RFTN1: variants seen among roughly 807,000 people sequenced by gnomAD.
RFTN1 encodes the protein raftlin, lipid raft linker 1, also known as raftlin.
RFTN1 carries 26 observed loss-of-function variants against 46.5 expected under a neutral mutation model. The observed-to-expected ratio is 0.56, with a 90% CI of 0.41 to 0.78. The LOEUF (loss-of-function observed/expected upper bound fraction) is 0.78. Ranked by LOEUF, RFTN1 falls within the 30% of genes least tolerant of loss-of-function variation. The probability of loss-of-function intolerance (pLI) is 0.00; values close to 1 mark genes in which losing one functional copy is unlikely to be tolerated. For missense variants in RFTN1, 693 were observed against 718.7 expected (o/e 0.96, Z 0.41); for synonymous variants, 261 against 284.2 (o/e 0.92, Z 0.82).
rs1405080714 is a variant in RFTN1, at chr3:16,383,970, T to A, written c.442-5868A>T. Among the ~76,000 whole-genome samples, 1 of 152,252 alleles carries A rather than the reference T, an allele frequency of 6.6e-6. No individual in the cohort carries two copies. Among genetic ancestry groups the A allele is most frequent in the Non-Finnish European group, 1.5e-5 (1 of 68,048 alleles). On this transcript the variant is annotated intron_variant, in intron 4 of 9. Coordinates refer to ENST00000334133, the MANE Select transcript of RFTN1 (RefSeq NM_015150.2). The surrounding 1 kb of genome is among the most constrained non-coding windows in gnomAD (Gnocchi z 4.0). ...TTGTTTGGTAAAACTCTAGTCTAGA[T>A]GTTGCTGTAAAGGTATTTTTTAAAT...
Position 16,442,203 on chromosome 3 carries a change from T to TA in RFTN1, c.146-8167dup. ...GACCACACCATTAAAACACTATTTT[T>TA]AAAATTTGAAGTGAAATTTCCATAA... On this transcript the variant is annotated intron_variant, in intron 2 of 9. Coordinates refer to ENST00000334133, the MANE Select transcript of RFTN1 (RefSeq NM_015150.2). This position sits in a 1 kb window ranked among gnomAD's most constrained non-coding sequence, Gnocchi z 4.1. 6.6e-6 allele frequency among the ~76,000 whole-genome samples: 1 copy of TA among 152,316 alleles called. No individual in the cohort carries two copies. Among genetic ancestry groups the TA allele is most frequent in the East Asian group, 1.9e-4 (1 of 5,192 alleles).
rs1384577058 is a variant in RFTN1 at position 16,448,685 on chromosome 3, C to T, written c.146-14648G>A. Among the ~76,000 whole-genome samples, 1 of 152,178 alleles carries T rather than the reference C, an allele frequency of 6.6e-6. No homozygotes were observed. Among genetic ancestry groups the T allele is most frequent in the Non-Finnish European group, 1.5e-5 (1 of 68,038 alleles). On this transcript the variant is annotated intron_variant, in intron 2 of 9. Transcript: ENST00000334133. This position sits in a 1 kb window ranked among gnomAD's most constrained non-coding sequence, Gnocchi z 4.1. ...TGCTCTTCAAGAATCTCTAGTAACA[C>T]AATCACACTGCTTCTAAAATGTTTA...
chr3:16,354,157 A>G (rs926777006), intron 7 of RFTN1, among the ~76,000 whole-genome samples: 1 of 152,230 alleles, frequency 6.6e-6, no homozygotes, highest in Non-Finnish European at 1.5e-5. Flanking sequence ...CAAGAAACTC[A>G]CAACGGAGGG....
intron 2 of RFTN1, among the ~76,000 whole-genome samples, chr3:16,487,815 G>A (rs901530060): frequency 3.3e-5 from 5 of 152,168 alleles, no homozygotes; most frequent in African/African-American, 7.2e-5. Flanking sequence ...AAGGCATAAC[G>A]GGGTACCGTT....
At chr3:16,463,832 A>G (rs758230575) in intron 2 of RFTN1, among the ~76,000 whole-genome samples, 1 of 152,162 alleles carries the variant, frequency 6.6e-6, no homozygotes, top group East Asian at 1.9e-4. Context: ...TTCTTCTGTC[A>G]GGAAAATAGA....
Position 16,377,936 on chromosome 3 carries a change from T to C in RFTN1, c.608A>G (p.Glu203Gly). 1 of 1,614,262 alleles carries C rather than the reference T, an allele frequency of 6.2e-7. No individual in the cohort carries two copies. Among genetic ancestry groups the C allele is most frequent in the Non-Finnish European group, 8.5e-7 (1 of 1,180,050 alleles). Residue 203 changes from glutamate to glycine, a missense_variant, in exon 5 of 10, where the codon GAG becomes GGG. Glu to Gly is a moderately conservative substitution (Grantham distance 98, BLOSUM62 -2). Transcript: ENST00000334133. ...GCACACATCCCCAGTCCCCGGTTTC[T>C]CATTCTCCAGTGACGCGTGATCCCC... ...ARGDHASLEN[E>G]KPGTGDVCSA...
chr3:16,458,129 G>C lies in RFTN1; in HGVS notation c.146-24092C>G, dbSNP rs755355440. Among the ~76,000 whole-genome samples, 3 of 152,174 alleles carry C rather than the reference G, an allele frequency of 2.0e-5. No homozygotes were observed. The highest frequency in any genetic ancestry group is 4.4e-5 in the Non-Finnish European group (3 of 68,034). On this transcript the variant is annotated intron_variant, in intron 2 of 9. Coordinates refer to ENST00000334133, the MANE Select transcript of RFTN1 (RefSeq NM_015150.2). The surrounding 1 kb of genome is among the most constrained non-coding windows in gnomAD (Gnocchi z 5.1). ...ATCTTTGTTCTTTATAAACTACCCA[G>C]TCTTGGGTATTTCGTTTCAACAACA... is the stretch of plus-strand genomic sequence containing the variant.
rs1387018048 is a variant in RFTN1, at chr3:16,352,647, C to G, written c.1146+5285G>C. Among the ~76,000 whole-genome samples the G allele has an allele frequency of 1.3e-5, 2 of 152,210 alleles. No homozygotes were observed. The highest frequency in any genetic ancestry group is 2.9e-5 in the Non-Finnish European group (2 of 68,040). ...AAAACGAAGGCAATGGGGGGAGGAT[C>G]TGTCTCACTGATGATACCAGGTGAC... On this transcript the variant is annotated intron_variant, in intron 7 of 9. Transcript: ENST00000334133. This position sits in a 1 kb window ranked among gnomAD's most constrained non-coding sequence, Gnocchi z 4.6.
intron 1 of RFTN1, among the ~76,000 whole-genome samples, chr3:16,511,161 T>TG (rs771825358): frequency 3.6e-4 from 55 of 152,174 alleles, no homozygotes; most frequent in Non-Finnish European, 6.8e-4. Flanking sequence ...AGGCACCTGC[T>TG]GGGGTGACAG....
chr3:16,414,865 C>T (rs944195265), intron 3 of RFTN1, among the ~76,000 whole-genome samples: 1 of 152,072 alleles, frequency 6.6e-6, no homozygotes, highest in Admixed American at 6.5e-5. Flanking sequence ...GGCCGGGGCT[C>T]AGTGCAGAGG....
intron 1 of RFTN1, among the ~76,000 whole-genome samples, chr3:16,494,732 G>A (rs9823463): frequency 0.015 from 2,299 of 152,280 alleles, 59 homozygotes; most frequent in African/African-American, 0.053. Flanking sequence ...TGACTTTCAC[G>A]AAATAGCTTT....
In RFTN1 at chr3:16,506,476, G is replaced by A. The variant is rs2076808582; in HGVS notation, c.-9+6966C>T. ...CAGCAGGGAACCCAGATGACAGTAA[G>A]TAGAGGTGTGAGCAGTGGTCAAATT... On this transcript the variant is annotated intron_variant, in intron 1 of 9. Transcript: ENST00000334133. This position sits in a 1 kb window ranked among gnomAD's most constrained non-coding sequence, Gnocchi z 4.8. Among the ~76,000 whole-genome samples, 1 of 152,172 alleles carries A rather than the reference G, an allele frequency of 6.6e-6. No individual in the cohort carries two copies. The highest frequency in any genetic ancestry group is 2.4e-5 in the African/African-American group (1 of 41,430).
At position 16,513,482 on chromosome 3, in the gene RFTN1, C is replaced by G. The variant is rs1048046035; in HGVS notation, c.-49G>C. 5 of 152,276 alleles carry G rather than the reference C, an allele frequency of 3.3e-5. No individual in the cohort carries two copies. The highest frequency in any genetic ancestry group is 7.3e-5 in the Non-Finnish European group (5 of 68,148). The allele number at this position is 152,276 out of a possible 1,614,324, so 9.4% of individuals were successfully genotyped here. A position where few individuals can be genotyped will look rare whatever the true frequency, so the allele number is the denominator to read the frequency against. On this transcript the variant is annotated 5_prime_UTR_variant, in exon 1 of 10. Transcript: ENST00000334133. The surrounding 1 kb of genome is among the most constrained non-coding windows in gnomAD (Gnocchi z 5.4). The stretch of plus-strand genomic sequence containing the variant: ...GAGGAGAAGGCGCGGTCGCGGGCTC[C>G]CTGAGGCAGCGTGTTCCGTCCCGGG...
At position 16,410,604 on chromosome 3, in the gene RFTN1, A is replaced by G. The variant is rs1444422054; in HGVS notation, c.333-1121T>C. ...TATGGAAATTAAAGATGCATTAAAG[A>G]AAGACTACTGAGCAACTAAAAGAAA... is the stretch of plus-strand genomic sequence containing the variant. On this transcript the variant is annotated intron_variant, in intron 3 of 9. Transcript: ENST00000334133. The surrounding 1 kb of genome is among the most constrained non-coding windows in gnomAD (Gnocchi z 4.6). 6.6e-6 allele frequency among the ~76,000 whole-genome samples: 1 copy of G among 152,250 alleles called. No individual in the cohort carries two copies. Among genetic ancestry groups the G allele is most frequent in the Admixed American group, 6.5e-5 (1 of 15,280 alleles).
In RFTN1 at chr3:16,465,379, A is replaced by G. The variant is rs1237108138; in HGVS notation, c.145+28346T>C. 6.6e-6 allele frequency among the ~76,000 whole-genome samples: 1 copy of G among 151,932 alleles called. No individual in the cohort carries two copies. The highest frequency in any genetic ancestry group is 2.4e-5 in the African/African-American group (1 of 41,332). On this transcript the variant is annotated intron_variant, in intron 2 of 9. Coordinates refer to ENST00000334133, the MANE Select transcript of RFTN1 (RefSeq NM_015150.2). This position sits in a 1 kb window ranked among gnomAD's most constrained non-coding sequence, Gnocchi z 5.1. ...TTCATCAAGGCAATTCTCTGAGCACAGGAAAAAAATATCCCCAACAGAGGT... is the reference window on the plus strand; with the variant it reads ...TTCATCAAGGCAATTCTCTGAGCACGGGAAAAAAATATCCCCAACAGAGGT...
intron 3 of RFTN1, among the ~76,000 whole-genome samples, chr3:16,411,463 A>C (rs1237128792): frequency 6.6e-6 from 1 of 152,172 alleles, no homozygotes; most frequent in Non-Finnish European, 1.5e-5. Context: ...ATACCCTTCC[A>C]AGGGTAGGGT....
chr3:16,375,289 G>A (rs1225889468), intron 5 of RFTN1, among the ~76,000 whole-genome samples: 1 of 152,086 alleles, frequency 6.6e-6, no homozygotes, highest in Admixed American at 6.6e-5. Context: ...GGGGTCAGGT[G>A]AGGGTCACAA....
At chr3:16,472,132 A>C (rs1224399797) in intron 2 of RFTN1, 1 of 152,142 alleles carries the variant, frequency 6.6e-6, no homozygotes, top group African/African-American at 2.4e-5. Context: ...TTAAAAAAAA[A>C]AAAGGCTTGA....
rs2075965876 is a variant in RFTN1 at position 16,459,237 on chromosome 3, G to A, written c.146-25200C>T. ...TGAGCCACTGTGCCTGGCCACTACT[G>A]TGTTTTCTGAAGGAAATTAGTTTTA... is the stretch of plus-strand genomic sequence containing the variant. On this transcript the variant is annotated intron_variant, in intron 2 of 9. Transcript: ENST00000334133. The surrounding 1 kb of genome is among the most constrained non-coding windows in gnomAD (Gnocchi z 4.2). 6.6e-6 allele frequency among the ~76,000 whole-genome samples: 1 copy of A among 152,112 alleles called. No individual in the cohort carries two copies. The highest frequency in any genetic ancestry group is 6.5e-5 in the Admixed American group (1 of 15,276).
Sources: gnomAD v4.1 joint callset for allele counts (sites outside exome capture counted in the v4.1 genomes callset) on GRCh38, gnomAD v4.1.1 for gene constraint, Gnocchi (gnomAD v3.1) non-coding constraint, MANE v1.5 for transcripts, NCBI Gene and HGNC (gene_info 2026-07-23, HGNC 2026-07-21) for gene names.